The following SLCO1B1 variants were observed in gnomAD, a reference collection of about 807,000 sequenced individuals.
SLCO1B1 encodes the protein solute carrier organic anion transporter family member 1B1.
In SLCO1B1, 81 loss-of-function variants were observed where a neutral mutation model predicts 70.1. The observed-to-expected ratio is 1.16, with a 90% CI of 0.97 to 1.39. The LOEUF is 1.39. Among genes scored for constraint, SLCO1B1 ranks in the 40% most tolerant of loss-of-function variants. The pLI is 0.00. For missense variants in SLCO1B1, 895 were observed against 799.6 expected, an observed-to-expected ratio of 1.12 and a Z score of -1.44; for synonymous variants, 283 against 271.5, an observed-to-expected ratio of 1.04 and a Z score of -0.42.
At chr12:21,156,069 G>A (rs1940539114) in intron 2 of SLCO1B1, among the ~76,000 whole-genome samples, 1 of 152,062 alleles carries the variant, frequency 6.6e-6, no homozygotes, top group Non-Finnish European at 1.5e-5. Flanking sequence ...ATTTTAATAG[G>A]GAAAGTATAT....
At chr12:21,210,614 G>T (rs371285112) in intron 11 of SLCO1B1, among the ~76,000 whole-genome samples, 4 of 149,364 alleles carry the variant, frequency 2.7e-5, no homozygotes, top group Admixed American at 1.3e-4. Flanking sequence ...TTGGTAGCTT[G>T]ATGGGGATGA....
chr12:21,206,119 G>T (rs1941212661), intron 11 of SLCO1B1, 86 bp downstream of exon 11: 1 of 1,100,328 alleles, frequency 9.1e-7, no homozygotes, highest in Non-Finnish European at 1.4e-6. Flanking sequence ...CTGTAACTAA[G>T]GACTCCATTA....
chr12:21,154,784 T>G (rs1472564803), intron 2 of SLCO1B1, among the ~76,000 whole-genome samples: 1 of 152,142 alleles, frequency 6.6e-6, no homozygotes, highest in Non-Finnish European at 1.5e-5. Context: ...CAAAATTGTT[T>G]CCAGTACGTG....
intron 14 of SLCO1B1, among the ~76,000 whole-genome samples, chr12:21,238,343 G>T (rs1941614853): frequency 6.6e-6 from 1 of 152,042 alleles, no homozygotes; most frequent in Non-Finnish European, 1.5e-5. Context: ...GTTATTGAAT[G>T]CTGTCTACCT....
chr12:21,226,721 TTAA>T (rs1365150096), intron 14 of SLCO1B1, among the ~76,000 whole-genome samples: 3 of 151,838 alleles, frequency 2.0e-5, no homozygotes, highest in Non-Finnish European at 4.4e-5. Context: ...AAATATGAAT[TTAA>T]TAATAATGCA....
At chr12:21,171,586 C>T (rs1591807789) in intron 2 of SLCO1B1, among the ~76,000 whole-genome samples, 1 of 152,154 alleles carries the variant, frequency 6.6e-6, no homozygotes, top group Admixed American at 6.5e-5. Flanking sequence ...GAGGCTCTTG[C>T]AATAATTGAA....
At chr12:21,208,653 T>G (rs12318075) in intron 11 of SLCO1B1, among the ~76,000 whole-genome samples, 29,197 of 152,072 alleles carry the variant, frequency 0.19, 3,146 homozygotes, top group East Asian at 0.45. Flanking sequence ...TTATTCTAAT[T>G]CAGTGAAAAA....
chr12:21,151,311 A>G (rs1940467874), intron 2 of SLCO1B1, among the ~76,000 whole-genome samples: 1 of 152,210 alleles, frequency 6.6e-6, no homozygotes, highest in Admixed American at 6.5e-5. Flanking sequence ...ATTAGTATCT[A>G]CCATAGCGGT....
intron 14 of SLCO1B1, among the ~76,000 whole-genome samples, chr12:21,233,527 C>T (rs975758042): frequency 2.7e-5 from 4 of 149,808 alleles, no homozygotes; most frequent in Admixed American, 2.0e-4. Flanking sequence ...TAACCAACAC[C>T]TCCAAAGGAG....
rs112505374 is a variant in SLCO1B1 at position 21,168,599 on chromosome 12, A to T, written c.85-4051A>T. Among the ~76,000 whole-genome samples the T allele has an allele frequency of 2.7e-3, 405 of 152,210 alleles. 3 individuals carry two copies. The highest frequency in any genetic ancestry group is 9.4e-3 in the African/African-American group (389 of 41,530). On this transcript the variant is annotated intron_variant, in intron 2 of 14. Transcript: ENST00000256958. The stretch of plus-strand genomic sequence containing the variant: ...GCTTTTCTGATGGTTGTGGGGTGAT[A>T]TCTCATTGTGGTTTTAATTTGCATT...
intron 5 of SLCO1B1, 50 bp downstream of exon 5, chr12:21,176,947 A>T (rs1391108992): frequency 7.4e-7 from 1 of 1,351,922 alleles, no homozygotes; most frequent in Admixed American, 1.7e-5. Context: ...TATACATTTA[A>T]TTACATCTCT....
chr12:21,208,668 G>C (rs76881096), intron 11 of SLCO1B1, among the ~76,000 whole-genome samples: 3,061 of 152,040 alleles, frequency 0.02, 97 homozygotes, highest in African/African-American at 0.07. Context: ...GAAAAATCAT[G>C]CCGGTTGTTT....
At chr12:21,133,274 C>A (rs1181076149) in intron 1 of SLCO1B1, among the ~76,000 whole-genome samples, 1 of 152,034 alleles carries the variant, frequency 6.6e-6, no homozygotes, top group Non-Finnish European at 1.5e-5. Flanking sequence ...GGTGATGCCT[C>A]CAGCTTTGTT....
At chr12:21,235,189 T>A (rs943161139) in intron 14 of SLCO1B1, among the ~76,000 whole-genome samples, 1 of 151,712 alleles carries the variant, frequency 6.6e-6, no homozygotes, top group African/African-American at 2.4e-5. Flanking sequence ...TCTCTTTGCT[T>A]AGGTCTGGTA....
intron 1 of SLCO1B1, among the ~76,000 whole-genome samples, chr12:21,135,593 CTTCT>C (rs1940207977): frequency 6.6e-6 from 1 of 152,096 alleles, no homozygotes; most frequent in Admixed American, 6.5e-5. Flanking sequence ...AGGTAATGGC[CTTCT>C]TTGTCTCTTT....
At chr12:21,158,887 A>G (rs1033106055) in intron 2 of SLCO1B1, among the ~76,000 whole-genome samples, 7 of 152,164 alleles carry the variant, frequency 4.6e-5, no homozygotes, top group African/African-American at 7.2e-5. Context: ...TTATTTGTCA[A>G]TCATACCTTA....
At chr12:21,135,031 G>C (rs1940198109) in intron 1 of SLCO1B1, among the ~76,000 whole-genome samples, 1 of 152,098 alleles carries the variant, frequency 6.6e-6, no homozygotes, top group African/African-American at 2.4e-5. Context: ...CTCGTATGTT[G>C]TGTGTTTGTT....
intron 12 of SLCO1B1, among the ~76,000 whole-genome samples, chr12:21,221,308 C>A (rs1342104783): frequency 6.6e-6 from 1 of 152,088 alleles, no homozygotes; most frequent in Non-Finnish European, 1.5e-5. Context: ...GAAGTCCTAG[C>A]TAGAGCAATC....
Position 21,186,803 on chromosome 12 carries a change from T to C in SLCO1B1, c.727+7783T>C, listed in dbSNP as rs148204611. 1.4e-4 allele frequency among the ~76,000 whole-genome samples: 22 copies of C among 152,206 alleles called. 1 individual carries two copies. The East Asian group carries it at 4.3e-3, about 29-fold the overall frequency. On this transcript the variant is annotated intron_variant, in intron 7 of 14. Coordinates refer to ENST00000256958, the MANE Select transcript of SLCO1B1 (RefSeq NM_006446.5). ...GAAATTGTTATATGGCTGCAAACTT[T>C]TATAAGAAAGGCATAACCACAGACT...
Sources: gnomAD v4.1 joint callset for allele counts (sites outside exome capture counted in the v4.1 genomes callset) on GRCh38, gnomAD v4.1.1 for gene constraint, MANE v1.5 for transcripts, NCBI Gene and HGNC (gene_info 2026-07-23, HGNC 2026-07-21) for gene names.